Variants in CSMD1 observed in about 807,000 individuals in gnomAD.
CSMD1 encodes CUB and sushi domain-containing protein 1.
A neutral mutation model predicts 417.5 loss-of-function variants in CSMD1; 213 were observed. The observed-to-expected ratio is 0.51, with a 90% confidence interval of 0.46 to 0.57. The LOEUF is 0.57. CSMD1 is among the 20% of genes least tolerant of loss of function. The pLI, the probability that CSMD1 is intolerant of heterozygous loss-of-function variation, is 0.00. For missense variants in CSMD1, 6,923 were observed against 4,529.7 expected, an observed-to-expected ratio of 1.53 and a Z score of -15.17; for synonymous variants, 2,862 against 1,736.8, an observed-to-expected ratio of 1.65 and a Z score of -16.11.
chr8:4,228,119 C>T (rs73498522), intron 3 of CSMD1, among the ~76,000 whole-genome samples: 465 of 152,262 alleles, frequency 3.1e-3, no homozygotes, highest in African/African-American at 8.9e-3. Context: ...AACCCCGTAA[C>T]AGGAGACATA....
intron 1 of CSMD1, among the ~76,000 whole-genome samples, chr8:4,677,664 A>C (rs1805780903): frequency 6.6e-6 from 1 of 152,114 alleles, no homozygotes; most frequent in Non-Finnish European, 1.5e-5. Context: ...TCTCTGACTA[A>C]TTGTGAATTT....
chr8:4,100,083 T>A (rs1336027797), intron 3 of CSMD1, among the ~76,000 whole-genome samples: 1 of 152,222 alleles, frequency 6.6e-6, no homozygotes, highest in African/African-American at 2.4e-5. Context: ...TTTGGGTTAA[T>A]CCAGACTCCT....
chr8:3,395,285 C>G (rs1563343538), intron 17 of CSMD1, among the ~76,000 whole-genome samples: 1 of 152,162 alleles, frequency 6.6e-6, no homozygotes, highest in Non-Finnish European at 1.5e-5. Context: ...CTGATTCCTT[C>G]AGGTCCAATA....
At chr8:3,699,657 C>G (rs1246060535) in intron 7 of CSMD1, among the ~76,000 whole-genome samples, 1 of 152,206 alleles carries the variant, frequency 6.6e-6, no homozygotes, top group Non-Finnish European at 1.5e-5. Context: ...CTCTGTGTGA[C>G]AAATATTTAC....
At chr8:3,067,802 G>C (rs1035279455) in intron 49 of CSMD1, among the ~76,000 whole-genome samples, 1 of 151,816 alleles carries the variant, frequency 6.6e-6, no homozygotes, top group African/African-American at 2.4e-5. Context: ...TTGGTTCCAT[G>C]TGCTGTAATT....
intron 49 of CSMD1, among the ~76,000 whole-genome samples, chr8:3,053,024 C>T (rs1018277907): frequency 2.0e-5 from 3 of 152,112 alleles, no homozygotes; most frequent in African/African-American, 7.2e-5. Context: ...TCAGGTGATC[C>T]GTCCACCTTA....
intron 5 of CSMD1, among the ~76,000 whole-genome samples, chr8:3,897,319 A>T (rs1254408409): frequency 6.6e-6 from 1 of 152,208 alleles, no homozygotes; most frequent in African/African-American, 2.4e-5. Context: ...GCAGTCAAAT[A>T]CTTGGGTCAG....
intron 26 of CSMD1, among the ~76,000 whole-genome samples, chr8:3,264,735 G>C (rs1268455831): frequency 6.6e-6 from 1 of 152,162 alleles, no homozygotes; most frequent in Non-Finnish European, 1.5e-5. Context: ...TGCTAATAGA[G>C]TTTAATCTAC....
chr8:4,151,928 G>C (rs558961368), intron 3 of CSMD1, among the ~76,000 whole-genome samples: 1 of 152,212 alleles, frequency 6.6e-6, no homozygotes, highest in African/African-American at 2.4e-5. Context: ...GCAGAGATAA[G>C]TTTTGCCTGC....
intron 1 of CSMD1, among the ~76,000 whole-genome samples, chr8:4,879,271 G>C (rs1302806581): frequency 1.3e-5 from 2 of 151,946 alleles, no homozygotes; most frequent in Non-Finnish European, 2.9e-5. Context: ...ATGGAATAGG[G>C]GAGATAGTTT....
chr8:3,319,255 C>G (rs375800222), intron 23 of CSMD1, among the ~76,000 whole-genome samples: 1 of 152,132 alleles, frequency 6.6e-6, no homozygotes, highest in East Asian at 1.9e-4. Context: ...TTGACTATCC[C>G]GAGCATTTGA....
Position 3,229,747 on chromosome 8 carries a change from A to G in CSMD1, c.4345+293T>C, listed in dbSNP as rs56993375. ...GGTTTATAAATTTTGAGGCAACTAG[A>G]ATTTTAAATTACAGACATTTGATTG... On this transcript the variant is annotated intron_variant, in intron 27 of 69. Transcript: ENST00000635120. Among the ~76,000 whole-genome samples the G allele has an allele frequency of 2.8e-3, 420 of 152,318 alleles. 6 individuals carry two copies. Among genetic ancestry groups the G allele is most frequent in the Admixed American group, 0.021 (317 of 15,298 alleles).
At chr8:3,688,680 A>G (rs998363697) in intron 7 of CSMD1, among the ~76,000 whole-genome samples, 2 of 152,214 alleles carry the variant, frequency 1.3e-5, no homozygotes, top group Admixed American at 6.5e-5. Context: ...CAGTTCTGCA[A>G]TATTTCTGTA....
At chr8:3,839,417 AATAT>A (rs1344262146) in intron 5 of CSMD1, among the ~76,000 whole-genome samples, 3 of 57,708 alleles carry the variant, frequency 5.2e-5, no homozygotes, top group Non-Finnish European at 1.1e-4. Flanking sequence ...ATAAAAAATA[AATAT>A]ATATAATAAA....
chr8:4,495,702 G>T (rs558418405), intron 2 of CSMD1, among the ~76,000 whole-genome samples: 1 of 152,164 alleles, frequency 6.6e-6, no homozygotes, highest in African/African-American at 2.4e-5. Context: ...GCCCAAGAAA[G>T]GTTAGCTTCC....
chr8:4,099,266 G>C (rs543145515), intron 3 of CSMD1, among the ~76,000 whole-genome samples: 159 of 151,578 alleles, frequency 1.0e-3, no homozygotes, highest in Non-Finnish European at 1.8e-3. Context: ...TCTTTGTTCT[G>C]TTACTTTCAT....
At chr8:4,348,895 A>C (rs1348640071) in intron 3 of CSMD1, among the ~76,000 whole-genome samples, 3 of 152,144 alleles carry the variant, frequency 2.0e-5, no homozygotes, top group Non-Finnish European at 4.4e-5. Flanking sequence ...ATTGAGTCAT[A>C]AGCCTTTCTC....
At chr8:4,001,503 G>A (rs1298256277) in intron 4 of CSMD1, among the ~76,000 whole-genome samples, 2 of 152,086 alleles carry the variant, frequency 1.3e-5, no homozygotes, top group African/African-American at 2.4e-5. Flanking sequence ...CTGTGCTGGT[G>A]CCCACCCCTG....
intron 1 of CSMD1, among the ~76,000 whole-genome samples, chr8:4,890,123 C>G (rs1485060822): frequency 6.6e-6 from 1 of 152,190 alleles, no homozygotes; most frequent in South Asian, 2.1e-4. Flanking sequence ...TTTATGATGG[C>G]CTCTAGAAAA....
Sources: gnomAD v4.1 joint callset for allele counts (sites outside exome capture counted in the v4.1 genomes callset) on GRCh38, gnomAD v4.1.1 for gene constraint, MANE v1.5 for transcripts, NCBI Gene and HGNC (gene_info 2026-07-23, HGNC 2026-07-21) for gene names.